Variants in ALPK2 observed in about 807,000 individuals in gnomAD.
ALPK2 encodes the protein alpha kinase 2, also known as alpha-protein kinase 2.
A neutral mutation model predicts 163.1 loss-of-function variants in ALPK2; 127 were observed. The ratio of observed to expected loss-of-function variants is 0.78; its 90% confidence interval spans 0.67 to 0.90. The LOEUF is 0.90. Ranked by LOEUF, ALPK2 falls within the 40% of genes least tolerant of loss-of-function variation. The probability of loss-of-function intolerance (pLI) is 0.00; values close to 1 mark genes in which losing one functional copy is unlikely to be tolerated. For synonymous variants in ALPK2, 953 were observed against 959.1 expected (o/e 0.99, Z 0.12); for missense variants, 2,360 against 2,589.6 (o/e 0.91, Z 1.92).
At chr18:58,607,218 T>C (rs78436019) in intron 3 of ALPK2, 104 bp downstream of exon 3, 24,331 of 743,712 alleles carry the variant, frequency 0.033, 534 homozygotes, top group Non-Finnish European at 0.043. Context: ...ATTATGACTC[T>C]AGAAGCAAAT....
At chr18:58,509,949 A>G (rs2051481509) in intron 10 of ALPK2, among the ~76,000 whole-genome samples, 1 of 152,148 alleles carries the variant, frequency 6.6e-6, no homozygotes, top group East Asian at 1.9e-4. Flanking sequence ...TTAGACATGA[A>G]GTCTTTGCCC....
chr18:58,496,084 G>A (rs148066851), intron 12 of ALPK2, among the ~76,000 whole-genome samples: 15 of 152,270 alleles, frequency 9.9e-5, no homozygotes, highest in East Asian at 1.9e-4. Flanking sequence ...ATGCTAAAGC[G>A]TATGGGATGT....
At chr18:58,532,547 G>A (rs1348419896) in intron 5 of ALPK2, among the ~76,000 whole-genome samples, 1 of 152,144 alleles carries the variant, frequency 6.6e-6, no homozygotes, top group African/African-American at 2.4e-5. Flanking sequence ...GAGGAGCTGT[G>A]GATGCCAGCA....
intron 4 of ALPK2, among the ~76,000 whole-genome samples, chr18:58,575,597 G>A (rs1200346912): frequency 6.6e-6 from 1 of 152,220 alleles, no homozygotes; most frequent in African/African-American, 2.4e-5. Flanking sequence ...TAGTGTGGCT[G>A]CCGAGAAACT....
chr18:58,612,596 C>G (rs1418377226), intron 1 of ALPK2, among the ~76,000 whole-genome samples: 1 of 152,246 alleles, frequency 6.6e-6, no homozygotes, highest in East Asian at 1.9e-4. Context: ...TGGCAGCCAC[C>G]TTGGGGCTGT....
chr18:58,614,078 G>C (rs915856343), intron 1 of ALPK2, among the ~76,000 whole-genome samples: 4 of 152,210 alleles, frequency 2.6e-5, no homozygotes, highest in Non-Finnish European at 4.4e-5. Context: ...TCCTCAGGGA[G>C]AGTGTGTGCA....
intron 4 of ALPK2, among the ~76,000 whole-genome samples, chr18:58,560,763 G>A (rs1602219011): frequency 6.6e-6 from 1 of 152,196 alleles, no homozygotes; most frequent in Non-Finnish European, 1.5e-5. Context: ...GGGGGGCAGG[G>A]TCACTTAGGC....
intron 5 of ALPK2, among the ~76,000 whole-genome samples, 173 bp downstream of exon 5, chr18:58,534,661 T>G (rs1328254043): frequency 6.6e-6 from 1 of 152,088 alleles, no homozygotes; most frequent in African/African-American, 2.4e-5. Flanking sequence ...TTTTAACAAG[T>G]CCTCCAGGTG....
intron 5 of ALPK2, among the ~76,000 whole-genome samples, chr18:58,531,077 C>G (rs2051611448): frequency 6.6e-6 from 1 of 151,992 alleles, no homozygotes; most frequent in Admixed American, 6.6e-5. Flanking sequence ...TGCCTGTGGA[C>G]CTAGCTACTT....
chr18:58,486,708 C>A (rs1483581372), intron 12 of ALPK2, among the ~76,000 whole-genome samples: 1 of 152,182 alleles, frequency 6.6e-6, no homozygotes, highest in Non-Finnish European at 1.5e-5. Context: ...ACAGAAATTA[C>A]AAATCTTCCT....
chr18:58,500,779 TAAAAAAA>T (rs5825289), intron 11 of ALPK2, among the ~76,000 whole-genome samples: 6 of 145,132 alleles, frequency 4.1e-5, no homozygotes, highest in African/African-American at 1.3e-4. Flanking sequence ...ACAAAAAAAT[TAAAAAAA>T]AAAAAAAAGC....
chr18:58,522,560 G>A (rs983608302), intron 8 of ALPK2, among the ~76,000 whole-genome samples: 3 of 152,212 alleles, frequency 2.0e-5, no homozygotes, highest in Non-Finnish European at 4.4e-5. Flanking sequence ...AGAAAGCAGA[G>A]AAACCCATCT....
intron 12 of ALPK2, among the ~76,000 whole-genome samples, chr18:58,495,118 G>A (rs1272555728): frequency 2.0e-5 from 3 of 152,052 alleles, no homozygotes; most frequent in Non-Finnish European, 2.9e-5. Context: ...ACTCCAGAGG[G>A]GTTCCCAGGA....
Position 58,535,349 on chromosome 18 carries a change from G to T in ALPK2, c.4838C>A (p.Ser1613Tyr), listed in dbSNP as rs1420315916. ...AAAGTCTGTGACATTTCCTTCAGGA[G>T]ATGAAGTACAAGGGAACCTGGTAAG... Reference protein sequence around the residue: ...PDLTRFPCTSSPEGNVTDFLI... With the variant: ...PDLTRFPCTSYPEGNVTDFLI... The change falls in exon 5 of 13, where the codon TCT becomes TAT. Residue 1613 changes from serine (S) to tyrosine (Y), a missense_variant. Coordinates refer to ENST00000361673, the MANE Select transcript of ALPK2 (RefSeq NM_052947.4). The T allele has an allele frequency of 6.2e-7, 1 of 1,614,068 alleles. No homozygotes were observed. The highest frequency in any genetic ancestry group is 1.3e-5 in the African/African-American group (1 of 74,934).
intron 8 of ALPK2, among the ~76,000 whole-genome samples, chr18:58,519,678 ATTCT>A (rs948809877): frequency 2.6e-5 from 4 of 152,204 alleles, no homozygotes; most frequent in African/African-American, 4.8e-5. Context: ...TCTTAGACGT[ATTCT>A]TTGTCTCTTG....
intron 5 of ALPK2, among the ~76,000 whole-genome samples, chr18:58,531,392 G>A (rs2051613095): frequency 6.6e-6 from 1 of 151,880 alleles, no homozygotes; most frequent in Non-Finnish European, 1.5e-5. Flanking sequence ...TCAGCCAAGG[G>A]GTCTGAAGTG....
intron 3 of ALPK2, among the ~76,000 whole-genome samples, chr18:58,604,429 G>A (rs1157374284): frequency 6.6e-6 from 1 of 152,172 alleles, no homozygotes; most frequent in Non-Finnish European, 1.5e-5. Context: ...GACGTAGAGC[G>A]TGTCTCAGTT....
chr18:58,586,732 C>A (rs1289739580), intron 3 of ALPK2, among the ~76,000 whole-genome samples: 1 of 149,708 alleles, frequency 6.7e-6, no homozygotes. Context: ...GCAAAAATAT[C>A]TTTTTCCCTA....
chr18:58,620,493 G>A (rs2052192741), intron 1 of ALPK2, among the ~76,000 whole-genome samples: 1 of 152,166 alleles, frequency 6.6e-6, no homozygotes. Flanking sequence ...GTAGATCAGT[G>A]GTGGTTGGAG....
Sources: allele counts gnomAD v4.1 joint callset (sites outside exome capture counted in the v4.1 genomes callset), GRCh38; gene constraint gnomAD v4.1.1; transcripts MANE v1.5; gene names NCBI Gene and HGNC (gene_info 2026-07-23, HGNC 2026-07-21).